SPOCK3: variants seen among roughly 807,000 people sequenced by gnomAD.
SPOCK3 encodes the protein testican-3.
Under a neutral mutation model 56.6 loss-of-function variants are expected in SPOCK3, and 30 were observed. The observed-to-expected ratio is 0.53, with a 90% confidence interval of 0.40 to 0.72. The LOEUF (loss-of-function observed/expected upper bound fraction) is 0.72. Ranked by LOEUF, SPOCK3 falls within the 30% of genes least tolerant of loss-of-function variation. The pLI, the probability that SPOCK3 is intolerant of heterozygous loss-of-function variation, is 0.00. For synonymous variants in SPOCK3, 196 were observed against 183.3 expected, an observed-to-expected ratio of 1.07 and a Z score of -0.56; for missense variants, 527 against 530.0, an observed-to-expected ratio of 0.99 and a Z score of 0.06.
At chr4:167,076,336 A>G (rs1295771637) in intron 2 of SPOCK3, among the ~76,000 whole-genome samples, 2 of 152,020 alleles carry the variant, frequency 1.3e-5, no homozygotes, top group East Asian at 2.0e-4. Flanking sequence ...TAGCAATTGT[A>G]ACAAAGTGTG....
chr4:166,798,992 T>A (rs1274915748), intron 6 of SPOCK3, among the ~76,000 whole-genome samples: 3 of 152,182 alleles, frequency 2.0e-5, no homozygotes, highest in African/African-American at 7.2e-5. Context: ...AGAACTTTCA[T>A]CCCTAAGAAC....
chr4:166,753,247 T>G (rs1346244768), intron 8 of SPOCK3, among the ~76,000 whole-genome samples: 1 of 152,024 alleles, frequency 6.6e-6, no homozygotes, highest in Non-Finnish European at 1.5e-5. Context: ...AAAGAGTACA[T>G]GACTACGTGT....
intron 8 of SPOCK3, among the ~76,000 whole-genome samples, chr4:166,742,686 T>C (rs1735015049): frequency 6.6e-6 from 1 of 152,150 alleles, no homozygotes; most frequent in South Asian, 2.1e-4. Context: ...GAACAGGATA[T>C]AATATAAAAT....
chr4:167,121,216 G>A (rs1761839478), intron 2 of SPOCK3, among the ~76,000 whole-genome samples: 1 of 151,404 alleles, frequency 6.6e-6, no homozygotes, highest in Non-Finnish European at 1.5e-5. Context: ...GCAGTTCCAG[G>A]ATATTGACAT....
intron 2 of SPOCK3, among the ~76,000 whole-genome samples, chr4:167,176,621 T>A (rs757190976): frequency 2.0e-5 from 3 of 152,060 alleles, no homozygotes; most frequent in Non-Finnish European, 4.4e-5. Context: ...TCCATCTCTT[T>A]CAGTTCTTGG....
At chr4:167,038,925 A>C (rs1034886392) in intron 3 of SPOCK3, among the ~76,000 whole-genome samples, 9 of 152,170 alleles carry the variant, frequency 5.9e-5, no homozygotes, top group African/African-American at 2.2e-4. Context: ...TATTTTAATA[A>C]GATTAATTGT....
chr4:167,225,027 C>G (rs1271409591), intron 2 of SPOCK3, among the ~76,000 whole-genome samples: 1 of 152,106 alleles, frequency 6.6e-6, no homozygotes, highest in Non-Finnish European at 1.5e-5. Context: ...TCTAATCAAA[C>G]AGTTATGAAA....
At chr4:166,902,060 C>G (rs1480979888) in intron 5 of SPOCK3, among the ~76,000 whole-genome samples, 1 of 152,138 alleles carries the variant, frequency 6.6e-6, no homozygotes, top group Admixed American at 6.6e-5. Context: ...GCACTGACAG[C>G]TTTTGTTCCG....
chr4:167,226,695 G>A (rs377381583), intron 2 of SPOCK3, among the ~76,000 whole-genome samples: 133 of 152,190 alleles, frequency 8.7e-4, no homozygotes, highest in African/African-American at 2.9e-3. Context: ...AGTAATGTGT[G>A]ATGACTTTCA....
intron 4 of SPOCK3, among the ~76,000 whole-genome samples, chr4:166,928,979 A>G (rs1739425099): frequency 6.6e-6 from 1 of 152,082 alleles, no homozygotes; most frequent in South Asian, 2.1e-4. Context: ...AAACAACAAC[A>G]ACAACAACAA....
chr4:167,012,929 A>G (rs1226054032), intron 3 of SPOCK3, among the ~76,000 whole-genome samples: 5 of 151,996 alleles, frequency 3.3e-5, no homozygotes, highest in Non-Finnish European at 5.9e-5. Flanking sequence ...ACTGAGCAGC[A>G]TAGAAAGTAG....
At chr4:166,766,582 C>A (rs1016643490) in intron 7 of SPOCK3, among the ~76,000 whole-genome samples, 1 of 152,094 alleles carries the variant, frequency 6.6e-6, no homozygotes, top group Non-Finnish European at 1.5e-5. Flanking sequence ...CTGCTGGATT[C>A]GGTTTGCCAG....
intron 7 of SPOCK3, among the ~76,000 whole-genome samples, chr4:166,778,353 C>G (rs914038232): frequency 6.6e-6 from 1 of 152,100 alleles, no homozygotes; most frequent in African/African-American, 2.4e-5. Context: ...AATAGCATAG[C>G]TGCGAGGAAC....
chr4:166,952,133 T>A (rs372018167), intron 4 of SPOCK3, among the ~76,000 whole-genome samples: 18 of 151,980 alleles, frequency 1.2e-4, no homozygotes, highest in African/African-American at 1.9e-4. Flanking sequence ...GGAAAAGAGG[T>A]AGTCAAATTG....
intron 2 of SPOCK3, among the ~76,000 whole-genome samples, chr4:167,152,600 T>A (rs1409376204): frequency 6.6e-6 from 1 of 152,138 alleles, no homozygotes; most frequent in Non-Finnish European, 1.5e-5. Flanking sequence ...TAAACTGAAA[T>A]TTCAACTTTT....
At chr4:166,951,974 T>C (rs1240241738) in intron 4 of SPOCK3, among the ~76,000 whole-genome samples, 6 of 152,016 alleles carry the variant, frequency 3.9e-5, no homozygotes, top group Admixed American at 2.6e-4. Flanking sequence ...ACAGCCAATA[T>C]CATACTGAAT....
intron 4 of SPOCK3, among the ~76,000 whole-genome samples, chr4:166,917,695 A>AT (rs1194831818): frequency 1.3e-5 from 2 of 151,684 alleles, no homozygotes; most frequent in Non-Finnish European, 2.9e-5. Flanking sequence ...TTCCTCCTTT[A>AT]TTTTTCTCTT....
chr4:166,887,561 T>G (rs1048259849), intron 6 of SPOCK3, among the ~76,000 whole-genome samples: 2 of 152,090 alleles, frequency 1.3e-5, no homozygotes, highest in African/African-American at 4.8e-5. Context: ...AAGTAGCTTT[T>G]TGATTATCTG....
intron 2 of SPOCK3, among the ~76,000 whole-genome samples, chr4:167,229,962 A>C (rs889586674): frequency 1.3e-5 from 2 of 152,108 alleles, no homozygotes; most frequent in Non-Finnish European, 2.9e-5. Context: ...TGAAAAACAA[A>C]TTTAATTTAA....
Sources: gnomAD v4.1 joint callset for allele counts (sites outside exome capture counted in the v4.1 genomes callset) on GRCh38, gnomAD v4.1.1 for gene constraint, MANE v1.5 for transcripts, NCBI Gene and HGNC (gene_info 2026-07-23, HGNC 2026-07-21) for gene names.